Variants in ILDR1 observed in about 807,000 individuals in gnomAD.
The protein encoded by ILDR1 is immunoglobulin like domain containing receptor 1, also known as immunoglobulin-like domain-containing receptor 1.
In ILDR1, 56 loss-of-function variants were observed where a neutral mutation model predicts 62.4. That is an observed-to-expected ratio of 0.90 (90% CI 0.72 to 1.12). The LOEUF is 1.12. ILDR1 is among the 50% of genes most tolerant of loss of function. The probability of loss-of-function intolerance (pLI) is 0.00; values close to 1 mark genes in which losing one functional copy is unlikely to be tolerated. For missense variants in ILDR1, 736 were observed against 710.6 expected, an observed-to-expected ratio of 1.04 and a Z score of -0.41; for synonymous variants, 284 against 277.8, an observed-to-expected ratio of 1.02 and a Z score of -0.22.
At chr3:122,043,281 G>A in the ILDR1 span, among the ~76,000 whole-genome samples, 1 of 151,746 alleles carries the variant, frequency 6.6e-6, no homozygotes, top group Non-Finnish European at 1.5e-5. Flanking sequence ...CTATATCTCT[G>A]CTTTGGTACC....
the ILDR1 span, among the ~76,000 whole-genome samples, chr3:122,034,057 T>C: frequency 6.6e-6 from 1 of 152,230 alleles, no homozygotes; most frequent in Admixed American, 6.5e-5. Context: ...AATCAATAGA[T>C]CAATTTGGGA....
the ILDR1 span, chr3:122,055,360 A>G: frequency 1.2e-6 from 1 of 842,028 alleles, no homozygotes; most frequent in Non-Finnish European, 2.0e-6. Context: ...GGGTAGGTAT[A>G]CAGTCATTGC....
At chr3:122,058,206 A>G in the ILDR1 span, among the ~76,000 whole-genome samples, 1 of 152,176 alleles carries the variant, frequency 6.6e-6, no homozygotes, top group Admixed American at 6.5e-5. Flanking sequence ...CATTACTAAG[A>G]ACAGAATGGA....
chr3:122,017,391 C>G (rs1306449813), intron 1 of ILDR1, among the ~76,000 whole-genome samples: 1 of 152,176 alleles, frequency 6.6e-6, no homozygotes, highest in African/African-American at 2.4e-5. Context: ...TATTTTCCAC[C>G]AAGGACTTCA....
chr3:122,047,027 G>GT, the ILDR1 span, among the ~76,000 whole-genome samples: 3 of 144,994 alleles, frequency 2.1e-5, no homozygotes, highest in East Asian at 2.0e-4. Context: ...TTTCTGTTCT[G>GT]TTTTTTCCCC....
the ILDR1 span, among the ~76,000 whole-genome samples, chr3:122,031,717 C>G: frequency 6.6e-6 from 1 of 152,132 alleles, no homozygotes; most frequent in African/African-American, 2.4e-5. Flanking sequence ...TCTGTCCTCA[C>G]CAGACATTGA....
At chr3:122,036,511 C>T in the ILDR1 span, among the ~76,000 whole-genome samples, 41 of 150,874 alleles carry the variant, frequency 2.7e-4, no homozygotes, top group African/African-American at 7.8e-4. Context: ...ATGGTGTCAA[C>T]GCGGGAGGTG....
chr3:122,038,810 T>C, the ILDR1 span, among the ~76,000 whole-genome samples: 1 of 151,990 alleles, frequency 6.6e-6, no homozygotes, highest in Non-Finnish European at 1.5e-5. Flanking sequence ...AGAGAATCAA[T>C]AGAAATGCTA....
In ILDR1 at chr3:121,988,140, T is replaced by C; in HGVS notation, c.*227A>G. The C allele has an allele frequency of 3.2e-6, 2 of 625,994 alleles. No individual in the cohort carries two copies. Among genetic ancestry groups the C allele is most frequent in the African/African-American group, 1.8e-5 (1 of 55,316 alleles). 38.8% of individuals were successfully genotyped at this position (625,994 alleles called of 1,614,324 possible). Reference sequence around the variant, plus strand: ...GTTTCCCAGGCTGATCTTGAACTCCTAGTCTCAAGTGATTCTTAGCCTCCC... The same window carrying C: ...GTTTCCCAGGCTGATCTTGAACTCCCAGTCTCAAGTGATTCTTAGCCTCCC... On this transcript the variant is annotated 3_prime_UTR_variant, in exon 8 of 8. Coordinates refer to ENST00000344209, the MANE Select transcript of ILDR1 (RefSeq NM_001199799.2).
chr3:121,988,310 T>C lies in ILDR1; in HGVS notation c.*57A>G. On this transcript the variant is annotated 3_prime_UTR_variant, in exon 8 of 8. Transcript: ENST00000344209. ...CCAAGTCAGCTGGAAACCTAGGTGA[T>C]GCTGATGACACACAGGAGCCGAGAA... 1 of 1,451,244 alleles carries C rather than the reference T, an allele frequency of 6.9e-7. No individual in the cohort carries two copies. The highest frequency in any genetic ancestry group is 1.7e-5 in the Admixed American group (1 of 59,798). The allele number at this position is 1,451,244 out of a possible 1,614,324, so 89.9% of individuals were successfully genotyped here. A position where few individuals can be genotyped will look rare whatever the true frequency, so the allele number is the denominator to read the frequency against.
intron 5 of ILDR1, among the ~76,000 whole-genome samples, chr3:121,999,165 T>G (rs1392631557): frequency 6.6e-6 from 1 of 152,228 alleles, no homozygotes; most frequent in Non-Finnish European, 1.5e-5. Flanking sequence ...GATCAGGTTT[T>G]GTTTCTATCT....
chr3:121,994,016 A>G (rs762008466), intron 6 of ILDR1, 46 bp from the exon 7 acceptor site: 10 of 1,574,264 alleles, frequency 6.4e-6, no homozygotes, highest in Non-Finnish European at 7.8e-6. Flanking sequence ...GGCCCAAAAC[A>G]TACACCTCAG....
At chr3:122,052,200 T>C in the ILDR1 span, among the ~76,000 whole-genome samples, 2 of 152,214 alleles carry the variant, frequency 1.3e-5, no homozygotes, top group Non-Finnish European at 2.9e-5. Context: ...ACAGGTCCTC[T>C]GAAATAGCAT....
intron 1 of ILDR1, 56 bp from the exon 2 acceptor site, chr3:122,007,217 G>A (rs1353826798): frequency 8.7e-6 from 14 of 1,612,530 alleles, no homozygotes; most frequent in Non-Finnish European, 1.2e-5. Flanking sequence ...TCATGGGTAA[G>A]AAAAACAATG....
chr3:122,001,220 G>T (rs999701122), intron 5 of ILDR1, 88 bp downstream of exon 5: 6 of 1,445,330 alleles, frequency 4.2e-6, no homozygotes, highest in East Asian at 2.3e-5. Context: ...GAACCTGGAA[G>T]AATCTTTGAC....
chr3:122,021,799 A>G (rs1377791959), intron 1 of ILDR1, among the ~76,000 whole-genome samples: 1 of 152,216 alleles, frequency 6.6e-6, no homozygotes, highest in Non-Finnish European at 1.5e-5. Context: ...TCTCAGTTGC[A>G]CCTGTTTGGG....
chr3:122,048,061 T>C, the ILDR1 span, among the ~76,000 whole-genome samples: 1 of 152,230 alleles, frequency 6.6e-6, no homozygotes, highest in African/African-American at 2.4e-5. Context: ...TTTTTCACCA[T>C]TAAGTGTGAT....
At chr3:122,013,053 T>C (rs1260327407) in intron 1 of ILDR1, among the ~76,000 whole-genome samples, 4 of 152,160 alleles carry the variant, frequency 2.6e-5, no homozygotes, top group Non-Finnish European at 4.4e-5. Flanking sequence ...CATCAGGTAC[T>C]TTCCAAGGCC....
intron 1 of ILDR1, among the ~76,000 whole-genome samples, chr3:122,018,730 AGTGATT>A (rs957947301): frequency 6.6e-6 from 1 of 152,078 alleles, no homozygotes; most frequent in Admixed American, 6.5e-5. Context: ...AAAGGCTGGG[AGTGATT>A]TCTACCTGTG....
Sources: allele counts gnomAD v4.1 joint callset (sites outside exome capture counted in the v4.1 genomes callset), GRCh38; gene constraint gnomAD v4.1.1; transcripts MANE v1.5; gene names NCBI Gene and HGNC (gene_info 2026-07-23, HGNC 2026-07-21).